The following MED13L variants were observed in gnomAD, a reference collection of about 807,000 sequenced individuals.
The protein encoded by MED13L is mediator of RNA polymerase II transcription subunit 13-like.
In MED13L, 7 loss-of-function variants were observed where a neutral mutation model predicts 220.9. The observed-to-expected ratio is 0.03, with a 90% CI of 0.02 to 0.06. The LOEUF is 0.06. Among genes scored for constraint, MED13L ranks in the 10% least tolerant of loss-of-function variants. The pLI is 1.00. For missense variants in MED13L, 1,965 were observed against 2,760.5 expected (o/e 0.71, Z 6.46); for synonymous variants, 1,011 against 1,015.2 (o/e 1.00, Z 0.08).
chr12:116,268,430 A>C (rs910309630), intron 1 of MED13L, among the ~76,000 whole-genome samples: 1 of 152,230 alleles, frequency 6.6e-6, no homozygotes, highest in South Asian at 2.1e-4. Flanking sequence ...ATTAGTGCTC[A>C]TATTAAGTTC....
intron 2 of MED13L, among the ~76,000 whole-genome samples, chr12:116,191,580 T>G (rs2138268003): frequency 6.6e-6 from 1 of 151,942 alleles, no homozygotes; most frequent in East Asian, 1.9e-4. Flanking sequence ...TCCACCCACC[T>G]CAGCCTCCCA....
chr12:115,997,275 C>T, intron 14 of MED13L, 45 bp from the exon 15 acceptor site: 2 of 1,538,472 alleles, frequency 1.3e-6, no homozygotes, highest in Non-Finnish European at 1.8e-6. Context: ...GGAAGGGCTT[C>T]TAAAAAGTCC....
intron 4 of MED13L, among the ~76,000 whole-genome samples, chr12:116,075,320 C>G (rs1458434102): frequency 6.6e-6 from 1 of 152,168 alleles, no homozygotes; most frequent in Non-Finnish European, 1.5e-5. Context: ...ATCACTACTA[C>G]TACCACTTAA....
At chr12:116,168,368 G>A (rs1266658185) in intron 2 of MED13L, among the ~76,000 whole-genome samples, 2 of 150,022 alleles carry the variant, frequency 1.3e-5, no homozygotes, top group East Asian at 1.9e-4. Flanking sequence ...ACAAGGTGAC[G>A]AGAAGCTATT....
intron 4 of MED13L, among the ~76,000 whole-genome samples, chr12:116,077,567 T>C: frequency 6.6e-6 from 1 of 152,230 alleles, no homozygotes; most frequent in East Asian, 1.9e-4. Flanking sequence ...TGTATACCAC[T>C]GGATATACTA....
intron 28 of MED13L, among the ~76,000 whole-genome samples, chr12:115,968,307 C>T (rs1876342470): frequency 6.6e-6 from 1 of 152,196 alleles, no homozygotes; most frequent in Admixed American, 6.5e-5. Flanking sequence ...TTCTGTTGTT[C>T]ATCCACCTCC....
At chr12:116,050,926 C>T (rs537138797) in intron 4 of MED13L, among the ~76,000 whole-genome samples, 24 of 152,190 alleles carry the variant, frequency 1.6e-4, no homozygotes, top group African/African-American at 5.8e-4. Context: ...GAGTGAGACT[C>T]CATCTCAAGA....
At chr12:116,141,419 G>C (rs545205612) in intron 2 of MED13L, among the ~76,000 whole-genome samples, 1 of 151,910 alleles carries the variant, frequency 6.6e-6, no homozygotes, top group South Asian at 2.1e-4. Context: ...TATACAAAAC[G>C]AACTGAAAAC....
At chr12:116,226,077 T>A (rs375248396) in intron 2 of MED13L, among the ~76,000 whole-genome samples, 108 of 111,434 alleles carry the variant, frequency 9.7e-4, no homozygotes, top group African/African-American at 1.7e-3. Flanking sequence ...TTTTTTTTTT[T>A]AAATCAAGCC....
intron 1 of MED13L, 80 bp downstream of exon 1, chr12:116,276,980 G>T: frequency 6.9e-7 from 1 of 1,450,328 alleles, no homozygotes; most frequent in East Asian, 2.5e-5. Flanking sequence ...GCGGCGGGAG[G>T]AGAAAGTTGG....
chr12:115,981,809 T>C (rs1395946345), intron 22 of MED13L: 2 of 152,794 alleles, frequency 1.3e-5, no homozygotes, highest in Admixed American at 6.5e-5. Flanking sequence ...AAATAAGTTA[T>C]ATTAAAAGTA....
intron 3 of MED13L, among the ~76,000 whole-genome samples, chr12:116,103,802 C>T (rs1169404753): frequency 4.6e-5 from 7 of 152,082 alleles, no homozygotes; most frequent in Non-Finnish European, 1.0e-4. Context: ...CTCCTACTTT[C>T]TTTAGAGAAA....
intron 2 of MED13L, among the ~76,000 whole-genome samples, chr12:116,204,707 T>G (rs1390832560): frequency 6.6e-6 from 1 of 152,196 alleles, no homozygotes; most frequent in Non-Finnish European, 1.5e-5. Context: ...TCTGACCCAC[T>G]GTTTTCCCTA....
intron 4 of MED13L, among the ~76,000 whole-genome samples, chr12:116,076,190 A>AT (rs1000666343): frequency 1.3e-5 from 2 of 152,098 alleles, no homozygotes; most frequent in African/African-American, 4.8e-5. Context: ...TGGCCAGAAG[A>AT]TTTTTTAAGT....
intron 3 of MED13L, among the ~76,000 whole-genome samples, chr12:116,097,098 C>A (rs532120250): frequency 3.9e-5 from 6 of 152,174 alleles, no homozygotes; most frequent in African/African-American, 1.2e-4. Context: ...AGGAATACAG[C>A]ATTTCTTAAG....
intron 23 of MED13L, among the ~76,000 whole-genome samples, chr12:115,979,117 T>C (rs924893261): frequency 6.6e-6 from 1 of 152,244 alleles, no homozygotes; most frequent in Non-Finnish European, 1.5e-5. Context: ...ATTACCTTAA[T>C]GCAGATTAAA....
chr12:116,125,044 A>C (rs1217125304), intron 2 of MED13L, among the ~76,000 whole-genome samples: 2 of 152,258 alleles, frequency 1.3e-5, no homozygotes, highest in Non-Finnish European at 2.9e-5. Context: ...TGATTTTTAC[A>C]CTAAGAATGT....
At chr12:116,034,884 A>G (rs1220866978) in intron 4 of MED13L, among the ~76,000 whole-genome samples, 1 of 152,144 alleles carries the variant, frequency 6.6e-6, no homozygotes, top group Non-Finnish European at 1.5e-5. Flanking sequence ...CACAGGCTGT[A>G]ATCCCAGATA....
chr12:116,020,066 T>C (rs2137436164), intron 5 of MED13L, 94 bp from the exon 6 acceptor site: 1 of 1,077,842 alleles, frequency 9.3e-7, no homozygotes. Flanking sequence ...GGTTACAGTA[T>C]CACTTAATGT....
Sources: gnomAD v4.1 joint callset for allele counts (sites outside exome capture counted in the v4.1 genomes callset) on GRCh38, gnomAD v4.1.1 for gene constraint, MANE v1.5 for transcripts, NCBI Gene and HGNC (gene_info 2026-07-23, HGNC 2026-07-21) for gene names.